PIWIL1: variants seen among roughly 807,000 people sequenced by gnomAD.
PIWIL1 encodes the protein piwi like RNA-mediated gene silencing 1.
A neutral mutation model predicts 114.4 loss-of-function variants in PIWIL1; 73 were observed. That is an observed-to-expected ratio of 0.64 (90% CI 0.53 to 0.78). PIWIL1 has a LOEUF of 0.78. Among genes scored for constraint, PIWIL1 ranks in the 30% least tolerant of loss-of-function variants. The probability of loss-of-function intolerance (pLI) is 0.00; values close to 1 mark genes in which losing one functional copy is unlikely to be tolerated. For missense variants in PIWIL1, 723 were observed against 1,063.1 expected (o/e 0.68, Z 4.45); for synonymous variants, 375 against 369.0 (o/e 1.02, Z -0.19).
At chr12:130,415,637 T>C in the PIWIL1 span, among the ~76,000 whole-genome samples, 1 of 78,606 alleles carries the variant, frequency 1.3e-5, no homozygotes, top group Non-Finnish European at 3.3e-5. Context: ...ACGGCATCCA[T>C]ATAGGAAACA....
chr12:130,421,388 A>C, the PIWIL1 span, among the ~76,000 whole-genome samples: 3 of 152,248 alleles, frequency 2.0e-5, no homozygotes, highest in African/African-American at 7.2e-5. Flanking sequence ...AGAGAAACAT[A>C]AACACAATCT....
chr12:130,422,596 G>A, the PIWIL1 span: 40 of 1,447,928 alleles, frequency 2.8e-5, no homozygotes, highest in Admixed American at 1.5e-4. The surrounding 1 kb of genome is among the most constrained non-coding windows in gnomAD (Gnocchi z 5.2). Flanking sequence ...CGTAAGTCTC[G>A]CCAGCATTGG....
intron 11 of PIWIL1, 143 bp from the exon 12 acceptor site, chr12:130,355,410 C>A: frequency 1.4e-6 from 1 of 692,726 alleles, no homozygotes; most frequent in East Asian, 2.5e-5. Flanking sequence ...GATTGTGCTC[C>A]TGTGCCAGCT....
chr12:130,390,240 T>C, the PIWIL1 span, among the ~76,000 whole-genome samples: 1 of 152,212 alleles, frequency 6.6e-6, no homozygotes, highest in Non-Finnish European at 1.5e-5. Flanking sequence ...GGTTTTGGAA[T>C]GTAATACATT....
chr12:130,358,620 G>A (rs535593554), intron 14 of PIWIL1, among the ~76,000 whole-genome samples: 16 of 152,184 alleles, frequency 1.1e-4, no homozygotes, highest in African/African-American at 3.4e-4. Context: ...AACTCAGCGA[G>A]TCTGAGTTAA....
the PIWIL1 span, among the ~76,000 whole-genome samples, chr12:130,404,733 C>T: frequency 1.3e-5 from 2 of 152,142 alleles, no homozygotes; most frequent in African/African-American, 4.8e-5. Context: ...ATGTCTATTT[C>T]TTCCAAAAGC....
chr12:130,400,369 A>G, the PIWIL1 span, among the ~76,000 whole-genome samples: 1 of 152,210 alleles, frequency 6.6e-6, no homozygotes, highest in African/African-American at 2.4e-5. Context: ...GTGTCTGTTG[A>G]TAACCTCCTC....
At chr12:130,399,936 G>T in the PIWIL1 span, 2 of 1,140,556 alleles carry the variant, frequency 1.8e-6, no homozygotes, top group African/African-American at 1.5e-5. Flanking sequence ...TTCAAAAGTG[G>T]CAGGACTTGA....
the PIWIL1 span, chr12:130,425,184 C>T: frequency 2.6e-5 from 6 of 234,436 alleles, no homozygotes; most frequent in East Asian, 3.3e-4. Context: ...CCCACGGTAC[C>T]GCTGCTGTAG....
chr12:130,399,037 G>A, the PIWIL1 span: 2 of 661,780 alleles, frequency 3.0e-6, no homozygotes, highest in Non-Finnish European at 4.7e-6. Flanking sequence ...CCACAATGAA[G>A]CCTTAAGTCT....
rs1434449678 is a variant in PIWIL1, at chr12:130,357,481, G to A, written c.1593G>A (p.Met531Ile). The A allele has an allele frequency of 6.2e-7, 1 of 1,611,248 alleles. No individual in the cohort carries two copies. Among genetic ancestry groups the A allele is most frequent in the Admixed American group, 1.7e-5 (1 of 59,990 alleles). ...AMGMQMRKAIMIEVDDRTEAY... is the reference protein window; with the variant it reads ...AMGMQMRKAIIIEVDDRTEAY... Reference sequence around the variant, plus strand: ...GTTGGATTGTGTACTTTCATTCTAGGATTGAAGTGGATGACAGAACTGAAG... The same window carrying A: ...GTTGGATTGTGTACTTTCATTCTAGAATTGAAGTGGATGACAGAACTGAAG... The change falls in exon 14 of 21, where the codon ATG becomes ATA. Residue 531 changes from methionine to isoleucine, a missense_variant and splice_region_variant. Physicochemically the swap from Met to Ile is conservative, Grantham distance 10 (BLOSUM62 1). Around this residue, in one of 8 missense-constraint regions of PIWIL1, gnomAD observed 298 missense variants for 420.8 expected, o/e 0.71. Coordinates refer to ENST00000245255, the MANE Select transcript of PIWIL1 (RefSeq NM_004764.5).
the PIWIL1 span, among the ~76,000 whole-genome samples, chr12:130,405,160 G>A: frequency 6.6e-6 from 1 of 152,092 alleles, no homozygotes; most frequent in South Asian, 2.1e-4. Context: ...GCATGCAAAC[G>A]TGAAATTCAT....
the PIWIL1 span, chr12:130,414,072 C>A: frequency 1.9e-6 from 3 of 1,587,134 alleles, no homozygotes; most frequent in Admixed American, 5.0e-5. Flanking sequence ...GCCCCCATGA[C>A]CCAGACCCGC....
At chr12:130,345,160 C>T (rs527916037) in intron 3 of PIWIL1, 1 of 152,190 alleles carries the variant, frequency 6.6e-6, no homozygotes, top group Non-Finnish European at 1.5e-5. Context: ...TAAGCATGAA[C>T]TGATTAATCA....
chr12:130,419,025 TA>T, the PIWIL1 span, among the ~76,000 whole-genome samples: 1 of 152,126 alleles, frequency 6.6e-6, no homozygotes, highest in African/African-American at 2.4e-5. The surrounding 1 kb of genome is among the most constrained non-coding windows in gnomAD (Gnocchi z 4.3). Context: ...CGTATGTGAA[TA>T]AAATCAGCGT....
Position 130,362,728 on chromosome 12 carries a change from A to T in PIWIL1, c.1971-38A>T, listed in dbSNP as rs757745979. On this transcript the variant is annotated intron_variant, in intron 16 of 20. Transcript: ENST00000245255. ...TTCAGAAAGGAAAAATTGATAGACA[A>T]TTGCATTCTTATTCTAGCTGTGTTT... 1.9e-6 allele frequency: 3 copies of T among 1,560,384 alleles called. No individual in the cohort carries two copies. In the African/African-American group the frequency reaches 4.1e-5, roughly 21 times the overall value.
intron 17 of PIWIL1, 33 bp downstream of exon 17, chr12:130,362,869 C>T: frequency 1.2e-6 from 2 of 1,611,728 alleles, no homozygotes; most frequent in Non-Finnish European, 1.7e-6. Context: ...ATTCTACTCT[C>T]TAAACTGGGG....
the PIWIL1 span, among the ~76,000 whole-genome samples, chr12:130,404,880 A>T: frequency 1.3e-5 from 2 of 152,194 alleles, no homozygotes; most frequent in South Asian, 4.1e-4. Flanking sequence ...AAAGTCCATA[A>T]ATACTCTAAG....
chr12:130,399,960 C>G, the PIWIL1 span: 1 of 893,400 alleles, frequency 1.1e-6, no homozygotes, highest in Non-Finnish European at 1.7e-6. Context: ...GACTCTAAAT[C>G]AGGGTTTCCA....
Sources: allele counts gnomAD v4.1 joint callset (sites outside exome capture counted in the v4.1 genomes callset), GRCh38; gene constraint gnomAD v4.1.1; regional missense constraint gnomAD v4.1.1; non-coding constraint Gnocchi (gnomAD v3.1); transcripts MANE v1.5; gene names NCBI Gene and HGNC (gene_info 2026-07-23, HGNC 2026-07-21).